The following TIPIN variants were observed in gnomAD, a reference collection of about 807,000 sequenced individuals.
TIPIN encodes the protein TIMELESS-interacting protein.
Under a neutral mutation model 35.6 loss-of-function variants are expected in TIPIN, and 29 were observed. The ratio of observed to expected loss-of-function variants is 0.82; its 90% CI spans 0.61 to 1.11. The LOEUF is 1.11. Ranked by LOEUF, TIPIN falls within the 50% of genes most tolerant of loss-of-function variation. The pLI is 0.00. For synonymous variants in TIPIN, 102 were observed against 121.5 expected, an observed-to-expected ratio of 0.84 and a Z score of 1.06; for missense variants, 296 against 345.4, an observed-to-expected ratio of 0.86 and a Z score of 1.13.
intron 1 of TIPIN, among the ~76,000 whole-genome samples, chr15:66,373,361 C>T (rs905410731): frequency 1.3e-5 from 2 of 151,884 alleles, no homozygotes; most frequent in Non-Finnish European, 2.9e-5. Flanking sequence ...GGTGTGGTGG[C>T]GGGCGCCTGT....
chr15:66,341,884 C>A (rs940433249), intron 6 of TIPIN, among the ~76,000 whole-genome samples: 1 of 151,784 alleles, frequency 6.6e-6, no homozygotes, highest in Non-Finnish European at 1.5e-5. Flanking sequence ...AATAAAAATA[C>A]AATTTAAAAT....
At chr15:66,375,565 G>A (rs150539847) in intron 1 of TIPIN, among the ~76,000 whole-genome samples, 2,088 of 149,346 alleles carry the variant, frequency 0.014, 27 homozygotes, top group South Asian at 0.042. Context: ...GCAGCTGGGC[G>A]CGGTGGCTTA....
chr15:66,362,903 G>A (rs1015906889), intron 1 of TIPIN, among the ~76,000 whole-genome samples: 3 of 152,134 alleles, frequency 2.0e-5, no homozygotes, highest in Non-Finnish European at 4.4e-5. Context: ...GGTCTGCTGT[G>A]TATTTGAGGG....
At chr15:66,382,925 C>T in intron 1 of TIPIN, 1 of 985,284 alleles carries the variant, frequency 1.0e-6, no homozygotes, top group Non-Finnish European at 1.2e-6. Context: ...GTTGACAGAA[C>T]CGATGGATCA....
At chr15:66,363,324 A>G (rs1344044675) in intron 1 of TIPIN, among the ~76,000 whole-genome samples, 1 of 151,878 alleles carries the variant, frequency 6.6e-6, no homozygotes, top group Non-Finnish European at 1.5e-5. Flanking sequence ...CCTGGCCAAC[A>G]TGGTGAAACG....
intron 7 of TIPIN, among the ~76,000 whole-genome samples, chr15:66,337,812 C>T (rs1202257145): frequency 3.3e-5 from 5 of 150,676 alleles, no homozygotes; most frequent in South Asian, 2.1e-4. Context: ...GCTATGGTGG[C>T]GAACCATGAT....
At chr15:66,354,365 T>A (rs2140468320) in intron 1 of TIPIN, among the ~76,000 whole-genome samples, 1 of 152,266 alleles carries the variant, frequency 6.6e-6, no homozygotes, top group African/African-American at 2.4e-5. Flanking sequence ...TCTTTAGCAA[T>A]TCCTTCCCCT....
chr15:66,344,094 A>C (rs1004468010), intron 6 of TIPIN, among the ~76,000 whole-genome samples: 15 of 151,836 alleles, frequency 9.9e-5, no homozygotes, highest in Admixed American at 7.2e-4. Context: ...ATAAATAACT[A>C]CTTTTTTTTT....
intron 6 of TIPIN, 82 bp from the exon 7 acceptor site, chr15:66,341,438 C>T: frequency 1.5e-6 from 2 of 1,313,866 alleles, no homozygotes; most frequent in Non-Finnish European, 2.1e-6. Flanking sequence ...TTTAAAGTGG[C>T]AAGGTGACAG....
At chr15:66,337,396 G>C (rs2093052458) in intron 7 of TIPIN, among the ~76,000 whole-genome samples, 1 of 149,754 alleles carries the variant, frequency 6.7e-6, no homozygotes, top group Non-Finnish European at 1.5e-5. Flanking sequence ...CACGATCTGG[G>C]CTCACTGCAA....
chr15:66,376,544 T>C (rs1194939934), intron 1 of TIPIN, among the ~76,000 whole-genome samples: 1 of 151,932 alleles, frequency 6.6e-6, no homozygotes, highest in Non-Finnish European at 1.5e-5. Context: ...TTCTCCTGCC[T>C]CAGCCTCCTG....
At chr15:66,358,479 G>A (rs777985357), upstream of TIPIN, among the ~76,000 whole-genome samples, 4 of 151,222 alleles carry the variant, frequency 2.6e-5, no homozygotes, top group Non-Finnish European at 4.4e-5. Flanking sequence ...TGTTGCTGAG[G>A]CTGGAATGCA....
At chr15:66,345,693 AGAGT>A (rs2093120071) in intron 6 of TIPIN, among the ~76,000 whole-genome samples, 1 of 152,130 alleles carries the variant, frequency 6.6e-6, no homozygotes, top group Non-Finnish European at 1.5e-5. Context: ...CCTAGGCAAC[AGAGT>A]GAGACTCCGT....
chr15:66,367,423 C>CT (rs1400211595), intron 1 of TIPIN, among the ~76,000 whole-genome samples: 2 of 150,840 alleles, frequency 1.3e-5, no homozygotes, highest in African/African-American at 4.9e-5. Flanking sequence ...GAGATGGAGT[C>CT]TCGCTGTGTC....
In TIPIN at chr15:66,367,838, TG is replaced by T. The variant is rs200440120; in HGVS notation, c.-8-14884del. Among the ~76,000 whole-genome samples, 1,404 of 144,618 alleles carry T rather than the reference TG, an allele frequency of 9.7e-3. 152 individuals are homozygous for T. Among genetic ancestry groups the T allele is most frequent in the East Asian group, 0.056 (275 of 4,906 alleles). 94.9% of individuals were successfully genotyped at this position (144,618 alleles called of 152,430 possible). On this transcript the variant is annotated intron_variant, in intron 1 of 7. Coordinates refer to the TIPIN transcript ENST00000562124. ...CCTGTTATACATAAATCTTTGTTTT[TG>T]TTTTTTTTTTTTTGATTCAAAGTCT...
intron 7 of TIPIN, 49 bp from the exon 8 acceptor site, chr15:66,337,230 C>T: frequency 1.3e-6 from 2 of 1,510,050 alleles, no homozygotes. Context: ...CTGATCCAAT[C>T]TTACCGCATG....
chr15:66,373,857 T>C (rs1198857255), intron 1 of TIPIN, among the ~76,000 whole-genome samples: 1 of 151,862 alleles, frequency 6.6e-6, no homozygotes, highest in African/African-American at 2.4e-5. Context: ...CATGTACCAT[T>C]ACACCTGGCT....
chr15:66,345,409 AC>A (rs1216196477), intron 6 of TIPIN, among the ~76,000 whole-genome samples: 2 of 152,048 alleles, frequency 1.3e-5, no homozygotes, highest in Admixed American at 1.3e-4. Context: ...TCCTGTCACT[AC>A]AAAAACTAAA....
At chr15:66,368,402 C>T (rs1397750870) in intron 1 of TIPIN, among the ~76,000 whole-genome samples, 1 of 151,714 alleles carries the variant, frequency 6.6e-6, no homozygotes, top group African/African-American at 2.4e-5. Flanking sequence ...CCTGTAGTCC[C>T]AGCTGCTTGG....
Sources: gnomAD v4.1 joint callset for allele counts (sites outside exome capture counted in the v4.1 genomes callset) on GRCh38, gnomAD v4.1.1 for gene constraint, MANE v1.5 for transcripts, NCBI Gene and HGNC (gene_info 2026-07-23, HGNC 2026-07-21) for gene names.